Variants in IFNLR1 observed in about 807,000 individuals in gnomAD.
IFNLR1 encodes CRF2-12.
In IFNLR1, 28 loss-of-function variants were observed where a neutral mutation model predicts 52.5. The observed-to-expected ratio is 0.53, with a 90% CI of 0.40 to 0.73. The LOEUF (loss-of-function observed/expected upper bound fraction) is 0.73. IFNLR1 is among the 30% of genes least tolerant of loss of function. The pLI is 0.00. For synonymous variants in IFNLR1, 276 were observed against 274.9 expected, an observed-to-expected ratio of 1.00 and a Z score of -0.04; for missense variants, 623 against 659.1, an observed-to-expected ratio of 0.95 and a Z score of 0.60.
At position 24,157,313 on chromosome 1, in the gene IFNLR1, C is replaced by G. The variant is rs778472059; in HGVS notation, c.1380G>C (p.Leu460=). The change falls in exon 7 of 7, where the codon CTG becomes CTC. Residue 460 remains leucine, a synonymous_variant. Coordinates refer to ENST00000327535, the MANE Select transcript of IFNLR1 (RefSeq NM_170743.4). This position sits in a 1 kb window ranked among gnomAD's most constrained non-coding sequence, Gnocchi z 5.1. ...GAGAAACTGGGGGTCCCCCAGGGAC[C>G]AGATTCGGCTCCGGTGGTAAGGTGC... ...TWGTLPPEPN[L]VPGGPPVSLQ... 6 of 1,614,176 alleles carry G rather than the reference C, an allele frequency of 3.7e-6. No individual in the cohort carries two copies. In the East Asian group the frequency reaches 1.3e-4, roughly 36 times the overall value.
intron 3 of IFNLR1, 122 bp downstream of exon 3, chr1:24,169,295 G>T: frequency 1.1e-6 from 1 of 882,638 alleles, no homozygotes; most frequent in Non-Finnish European, 1.7e-6. Context: ...GGCCCAGGGA[G>T]CTGCCCTCTG....
Position 24,159,646 on chromosome 1 carries a change from G to T in IFNLR1, c.511-13C>A. On this transcript the variant is annotated splice_polypyrimidine_tract_variant and intron_variant, in intron 4 of 6. Transcript: ENST00000327535. Reference sequence around the variant, plus strand: ...CTGGAAATAGGGTCTGTTTGGAAAAGAAGCAGAGAGTGGCAGAGCTGCTGT... The same window carrying T: ...CTGGAAATAGGGTCTGTTTGGAAAATAAGCAGAGAGTGGCAGAGCTGCTGT... The T allele has an allele frequency of 6.2e-7, 1 of 1,613,366 alleles. No individual in the cohort carries two copies.
intron 2 of IFNLR1, among the ~76,000 whole-genome samples, chr1:24,171,878 A>C (rs898233634): frequency 7.9e-5 from 12 of 151,818 alleles, no homozygotes; most frequent in Non-Finnish European, 1.5e-4. Flanking sequence ...CTGGTCTCAA[A>C]CTCCTGACCT....
intron 1 of IFNLR1, among the ~76,000 whole-genome samples, chr1:24,184,468 GTGGCCTGGCC>G (rs745321892): frequency 4.6e-5 from 7 of 152,044 alleles, no homozygotes; most frequent in East Asian, 1.9e-4. Flanking sequence ...CCTGCCTGAC[GTGGCCTGGCC>G]TGGCCTGGCC....
At chr1:24,162,687 C>A (rs1176786481) in intron 3 of IFNLR1, among the ~76,000 whole-genome samples, 3 of 144,494 alleles carry the variant, frequency 2.1e-5, no homozygotes, top group African/African-American at 5.1e-5. Context: ...CAAGAGAGGG[C>A]AGAACTCACT....
chr1:24,158,510 C>G (rs756492050), intron 6 of IFNLR1, among the ~76,000 whole-genome samples: 3 of 152,174 alleles, frequency 2.0e-5, no homozygotes, highest in African/African-American at 7.2e-5. Context: ...CCATGCCCAT[C>G]GGAGCCTCGC....
chr1:24,157,557 C>T lies in IFNLR1; in HGVS notation c.1136G>A (p.Gly379Asp). 1.2e-6 allele frequency: 2 copies of T among 1,612,112 alleles called. No homozygotes were observed. Among genetic ancestry groups the T allele is most frequent in the Non-Finnish European group, 1.7e-6 (2 of 1,179,110 alleles). The change falls in exon 7 of 7, where the codon GGC becomes GAC. Residue 379 changes from glycine to aspartate, a missense_variant. Coordinates refer to ENST00000327535, the MANE Select transcript of IFNLR1 (RefSeq NM_170743.4). This position sits in a 1 kb window ranked among gnomAD's most constrained non-coding sequence, Gnocchi z 5.1. ...RPRAPLVPSE[G>D]SSAWDSSDRS... Reference sequence around the variant, plus strand: ...GTCTGAAGAATCCCAAGCAGAGGAGCCTTCGCTTGGGACCAGAGGAGCCCT... The same window carrying T: ...GTCTGAAGAATCCCAAGCAGAGGAGTCTTCGCTTGGGACCAGAGGAGCCCT...
At chr1:24,180,671 C>CA in intron 2 of IFNLR1, 60 bp downstream of exon 2, 9 of 1,249,090 alleles carry the variant, frequency 7.2e-6, no homozygotes, top group East Asian at 2.5e-5. Context: ...AGAGAAGCCC[C>CA]TCCAGCCCCC....
chr1:24,179,325 A>G (rs1271182491), intron 2 of IFNLR1, among the ~76,000 whole-genome samples: 1 of 152,226 alleles, frequency 6.6e-6, no homozygotes, highest in Non-Finnish European at 1.5e-5. Context: ...GACTTTGAGC[A>G]ACATGCACCC....
Position 24,173,893 on chromosome 1 carries a change from T to A in IFNLR1, c.183-4292A>T, listed in dbSNP as rs77749828. On this transcript the variant is annotated intron_variant, in intron 2 of 6. Transcript: ENST00000327535. ...CTCCTAGATCTTTATCTAAGAGAAATGAAAACATATCCACACAAAGACTTG... is the reference window on the plus strand; with the variant it reads ...CTCCTAGATCTTTATCTAAGAGAAAAGAAAACATATCCACACAAAGACTTG... 9.0e-3 allele frequency among the ~76,000 whole-genome samples: 1,373 copies of A among 152,256 alleles called. 19 individuals carry two copies. Among genetic ancestry groups the A allele is most frequent in the African/African-American group, 0.032 (1,313 of 41,542 alleles).
At chr1:24,160,477 C>T (rs1448163014) in intron 4 of IFNLR1, among the ~76,000 whole-genome samples, 1 of 152,200 alleles carries the variant, frequency 6.6e-6, no homozygotes, top group African/African-American at 2.4e-5. Context: ...TCTCTTTTTA[C>T]TTAATTTAAC....
At chr1:24,163,068 C>T (rs1460747547) in intron 3 of IFNLR1, among the ~76,000 whole-genome samples, 4 of 149,144 alleles carry the variant, frequency 2.7e-5, no homozygotes, top group Non-Finnish European at 5.9e-5. Context: ...TCATGCGATC[C>T]TCCTGCTTCG....
intron 2 of IFNLR1, among the ~76,000 whole-genome samples, chr1:24,176,450 T>C (rs1343283403): frequency 1.3e-5 from 2 of 152,248 alleles, no homozygotes. Context: ...CATCAAATTG[T>C]ATACTTTAAA....
At position 24,167,704 on chromosome 1, in the gene IFNLR1, A is replaced by G. The variant is rs957976852; in HGVS notation, c.367+1713T>C. On this transcript the variant is annotated intron_variant, in intron 3 of 6. Coordinates refer to ENST00000327535, the MANE Select transcript of IFNLR1 (RefSeq NM_170743.4). ...CTGGCCTCTTTTTATTTATTTATTTATTTATTTTGAGACGGAGTCTTGCTC... is the reference window on the plus strand; with the variant it reads ...CTGGCCTCTTTTTATTTATTTATTTGTTTATTTTGAGACGGAGTCTTGCTC... Among the ~76,000 whole-genome samples the G allele has an allele frequency of 3.4e-5, 4 of 118,894 alleles. No homozygotes were observed. In the Admixed American group the frequency reaches 3.5e-4, roughly 10 times the overall value. 78.0% of individuals were successfully genotyped at this position (118,894 alleles called of 152,430 possible). A position where few individuals can be genotyped will look rare whatever the true frequency, so the allele number is the denominator to read the frequency against.
intron 2 of IFNLR1, among the ~76,000 whole-genome samples, chr1:24,180,260 G>A (rs1371818844): frequency 6.7e-6 from 1 of 149,400 alleles, no homozygotes; most frequent in Non-Finnish European, 1.5e-5. Flanking sequence ...TCAAGCCACT[G>A]CACTCCAGCT....
chr1:24,168,786 C>T (rs1438711241), intron 3 of IFNLR1, among the ~76,000 whole-genome samples: 1 of 152,090 alleles, frequency 6.6e-6, no homozygotes, highest in African/African-American at 2.4e-5. Context: ...CTCTGTCGCC[C>T]AGGCTGGAGT....
At position 24,161,626 on chromosome 1, in the gene IFNLR1, A is replaced by G. The variant is rs1295446761; in HGVS notation, c.426T>C (p.Asn142=). The change falls in exon 4 of 7, where the codon AAT becomes AAC. Residue 142 remains asparagine, a synonymous_variant. Transcript: ENST00000327535. The stretch of plus-strand genomic sequence containing the variant: ...TGCAGGGGGGCAGCTGGTACGTGGC[A>G]TTGGCACTCAGGATCTCCTCCGTCT... The part of the protein sequence containing the change: ...LTQTEEILSA[N]ATYQLPPCMP... 1 of 1,549,164 alleles carries G rather than the reference A, an allele frequency of 6.5e-7. No individual in the cohort carries two copies.
At chr1:24,177,248 C>T (rs1644641798) in intron 2 of IFNLR1, among the ~76,000 whole-genome samples, 1 of 152,114 alleles carries the variant, frequency 6.6e-6, no homozygotes, top group Non-Finnish European at 1.5e-5. Flanking sequence ...AGAATTGGCT[C>T]ACACGATCAC....
chr1:24,164,219 G>A (rs888054696), intron 3 of IFNLR1, among the ~76,000 whole-genome samples: 1 of 152,196 alleles, frequency 6.6e-6, no homozygotes, highest in African/African-American at 2.4e-5. Flanking sequence ...TAGGTTTCAA[G>A]GCCTGGGAAG....
Sources: gnomAD v4.1 joint callset for allele counts (sites outside exome capture counted in the v4.1 genomes callset) on GRCh38, gnomAD v4.1.1 for gene constraint, Gnocchi (gnomAD v3.1) non-coding constraint, MANE v1.5 for transcripts, NCBI Gene and HGNC (gene_info 2026-07-23, HGNC 2026-07-21) for gene names.